The following SMPD4 variants were observed in gnomAD, a reference collection of about 807,000 sequenced individuals.
The protein encoded by SMPD4 is sphingomyelin phosphodiesterase 4.
In SMPD4, 58 loss-of-function variants were observed where a neutral mutation model predicts 97.8. That is an observed-to-expected ratio of 0.59 (90% CI 0.48 to 0.74). The LOEUF (loss-of-function observed/expected upper bound fraction) is 0.74, where lower values mean the gene tolerates loss of function less well. Among genes scored for constraint, SMPD4 ranks in the 30% least tolerant of loss-of-function variants. The pLI is 0.00. For missense variants in SMPD4, 853 were observed against 1,080.5 expected (o/e 0.79, Z 2.95); for synonymous variants, 388 against 450.0 (o/e 0.86, Z 1.74).
chr2:130,179,712 T>A (rs1265883036), intron 1 of SMPD4, among the ~76,000 whole-genome samples: 1 of 151,562 alleles, frequency 6.6e-6, no homozygotes, highest in African/African-American at 2.4e-5. Flanking sequence ...TGGAGTCCAA[T>A]GGCATGATCT....
rs1686472829 is a variant in SMPD4, at chr2:130,153,764, T to C, written c.1831A>G (p.Ser611Gly). The change falls in exon 17 of 20, where the codon AGT (serine) becomes GGT (glycine). Residue 611 changes from serine (S) to glycine (G), a missense_variant. By Grantham distance (56) the Ser-to-Gly change is moderately conservative. Around this residue, in one of 3 missense-constraint regions of SMPD4, gnomAD observed 511 missense variants for 608.1 expected, o/e 0.84. Coordinates refer to ENST00000680298, the MANE Select transcript of SMPD4 (RefSeq NM_017951.5). ...AGGTATTCATCTGTCTTCCGGACACTGTCTTGCCCCATCTCGTCCAGGTCG... is the reference window on the plus strand; with the variant it reads ...AGGTATTCATCTGTCTTCCGGACACCGTCTTGCCCCATCTCGTCCAGGTCG... ...ANDLDEMGQD[S>G]VRKTDEYLEK... is the part of the protein sequence containing the mutation. The C allele has an allele frequency of 1.9e-6, 3 of 1,613,878 alleles. No individual in the cohort carries two copies. The highest frequency in any genetic ancestry group is 1.6e-4 in the Middle Eastern group (1 of 6,078).
At chr2:130,177,504 C>A (rs1689082406) in intron 1 of SMPD4, among the ~76,000 whole-genome samples, 1 of 151,984 alleles carries the variant, frequency 6.6e-6, no homozygotes, top group Non-Finnish European at 1.5e-5. Context: ...TCAAGACCAG[C>A]CTGGCTAACA....
At position 130,152,653 on chromosome 2, in the gene SMPD4, C is replaced by T. The variant is rs1170993740; in HGVS notation, c.2386G>A (p.Gly796Arg). The change falls in exon 20 of 20, where the codon GGG becomes AGG. Residue 796 changes from glycine (G) to arginine (R), a missense_variant. Coordinates refer to ENST00000680298, the MANE Select transcript of SMPD4 (RefSeq NM_017951.5). ...AFFVASLFCVGPLPCTLLLTL... is the reference protein window; with the variant it reads ...AFFVASLFCVRPLPCTLLLTL... ...AGCAGCAGCGTGCATGGGAGGGGCC[C>T]GACGCAGAACAGAGAGGCCACGAAG... 12 of 1,562,222 alleles carry T rather than the reference C, an allele frequency of 7.7e-6. No individual in the cohort carries two copies. Among genetic ancestry groups the T allele is most frequent in the Admixed American group, 1.9e-5 (1 of 52,144 alleles).
At chr2:130,156,403 G>A (rs931595570) in intron 13 of SMPD4, 182 bp downstream of exon 13, 18 of 707,688 alleles carry the variant, frequency 2.5e-5, no homozygotes, top group East Asian at 1.1e-4. Context: ...GGACAGGGCA[G>A]GGCTTTCCTG....
chr2:130,153,606 C>A (rs1686454239), intron 17 of SMPD4, 96 bp downstream of exon 17: 1 of 1,549,222 alleles, frequency 6.5e-7, no homozygotes, highest in East Asian at 2.3e-5. Flanking sequence ...ATGTGTGGGG[C>A]CTGGGACTGG....
In SMPD4 at chr2:130,161,234, G is replaced by C; in HGVS notation, c.903C>G (p.Ala301=). 3 of 1,614,036 alleles carry C rather than the reference G, an allele frequency of 1.9e-6. No individual in the cohort carries two copies. Among genetic ancestry groups the C allele is most frequent in the Non-Finnish European group, 2.5e-6 (3 of 1,180,018 alleles). Residue 301 remains alanine (A), a synonymous_variant, in exon 11 of 20, where the codon GCC becomes GCG. Transcript: ENST00000680298. The stretch of plus-strand genomic sequence containing the variant: ...GGCTGGGTTGGGCGGGGCTGTAGAG[G>C]GCGCTGGAGACACTGAGTCGGTAGT... ...VLHYRLSVSS[A]LYSPAQPSLQ...
chr2:130,167,646 C>A, intron 8 of SMPD4, 56 bp from the exon 9 acceptor site: 1 of 1,534,312 alleles, frequency 6.5e-7, no homozygotes, highest in South Asian at 1.3e-5. Context: ...AACTCGCTCC[C>A]GCTGTAACAG....
At chr2:130,176,678 A>T in intron 1 of SMPD4, 41 bp from the exon 2 acceptor site, 2 of 1,483,546 alleles carry the variant, frequency 1.3e-6, no homozygotes, top group South Asian at 1.2e-5. Context: ...TCTGTAACAC[A>T]GCAGAATCTT....
intron 1 of SMPD4, among the ~76,000 whole-genome samples, chr2:130,178,276 G>A (rs553323613): frequency 6.6e-6 from 1 of 152,262 alleles, no homozygotes; most frequent in East Asian, 1.9e-4. Context: ...GGGTACAGAT[G>A]TACTATGACT....
Position 130,167,580 on chromosome 2 carries a change from T to A in SMPD4, c.670A>T (p.Ile224Leu). Reference protein sequence around the residue: ...SPSPPPRTPAIPFASYGLHHT... With the variant: ...SPSPPPRTPALPFASYGLHHT... ...TGGAGGCCATAGGAAGCAAAGGGTA[T>A]GGCTGGTGTCCTGAGGGAGACACAG... Residue 224 changes from isoleucine to leucine, a missense_variant, in exon 9 of 20, where the codon ATA becomes TTA. Ile to Leu is a conservative substitution (Grantham distance 5). Transcript: ENST00000680298. The A allele has an allele frequency of 6.2e-7, 1 of 1,609,120 alleles. No homozygotes were observed. The highest frequency in any genetic ancestry group is 1.1e-5 in the South Asian group (1 of 90,672).
At chr2:130,155,968 C>T (rs1180424845) in intron 14 of SMPD4, 67 bp downstream of exon 14, 22 of 1,525,546 alleles carry the variant, frequency 1.4e-5, no homozygotes, top group East Asian at 4.5e-5. Flanking sequence ...GGCTTGGCCT[C>T]CACCCACTGG....
intron 11 of SMPD4, among the ~76,000 whole-genome samples, chr2:130,160,350 T>A (rs1341301690): frequency 6.6e-6 from 1 of 152,188 alleles, no homozygotes; most frequent in Non-Finnish European, 1.5e-5. Context: ...ATGCTCAAAT[T>A]CCTGTTCAAT....
chr2:130,167,631 G>A (rs375246245), intron 8 of SMPD4, 41 bp from the exon 9 acceptor site: 131 of 1,552,150 alleles, frequency 8.4e-5, no homozygotes, highest in Non-Finnish European at 1.1e-4. Flanking sequence ...ACAGGCTCCC[G>A]CTGTAACTCG....
Position 130,153,126 on chromosome 2 carries a change from G to C in SMPD4, c.2071C>G (p.Pro691Ala). 6.2e-6 allele frequency: 10 copies of C among 1,613,860 alleles called. No individual in the cohort carries two copies. Among genetic ancestry groups the C allele is most frequent in the Non-Finnish European group, 7.6e-6 (9 of 1,180,006 alleles). ...TAGCTCCGGATGGGCTGCAGCTCCG[G>C]GTCCCCCTGGTACTCAATTTCAAAC... ...RRFEIEYQGD[P>A]ELQPIRSYEI... The change falls in exon 19 of 20, where the codon CCG becomes GCG. Residue 691 changes from proline to alanine, a missense_variant. Coordinates refer to ENST00000680298, the MANE Select transcript of SMPD4 (RefSeq NM_017951.5).
At chr2:130,155,647 T>C (rs1686703399) in intron 14 of SMPD4, among the ~76,000 whole-genome samples, 1 of 151,104 alleles carries the variant, frequency 6.6e-6, no homozygotes, top group African/African-American at 2.4e-5. Context: ...AGCCTGGGGG[T>C]CCGCTGTGAG....
intron 8 of SMPD4, among the ~76,000 whole-genome samples, chr2:130,171,702 G>A (rs1688479524): frequency 6.6e-6 from 1 of 152,236 alleles, no homozygotes. Context: ...CAGATCTGGG[G>A]TGGGCCAGCA....
At chr2:130,174,827 G>A in intron 3 of SMPD4, 87 bp downstream of exon 3, 1 of 967,304 alleles carries the variant, frequency 1.0e-6, no homozygotes, top group Admixed American at 1.8e-5. Context: ...TCGGGGTTGG[G>A]GCGGGGAGGG....
chr2:130,154,533 C>T (rs1408334429), intron 15 of SMPD4, 51 bp from the exon 16 acceptor site: 42 of 1,550,346 alleles, frequency 2.7e-5, no homozygotes, highest in African/African-American at 6.8e-5. Context: ...GCAGAGTACC[C>T]GACTGCTGCC....
chr2:130,170,214 C>T (rs1347437615), intron 8 of SMPD4, among the ~76,000 whole-genome samples: 22 of 151,662 alleles, frequency 1.5e-4, no homozygotes, highest in Admixed American at 1.2e-3. Context: ...AGGCCAGGAG[C>T]GGCGGCTCAC....
Sources: gnomAD v4.1 joint callset for allele counts (sites outside exome capture counted in the v4.1 genomes callset) on GRCh38, gnomAD v4.1.1 for gene constraint, gnomAD v4.1.1 regional missense constraint, MANE v1.5 for transcripts, NCBI Gene and HGNC (gene_info 2026-07-23, HGNC 2026-07-21) for gene names.